The following UGT1A9 variants were observed in gnomAD, a reference collection of about 807,000 sequenced individuals.
UGT1A9 encodes UDP glucuronosyltransferase family 1 member A9.
Under a neutral mutation model 45.0 loss-of-function variants are expected in UGT1A9, and 35 were observed. The ratio of observed to expected loss-of-function variants is 0.78; its 90% CI spans 0.59 to 1.03. The LOEUF (loss-of-function observed/expected upper bound fraction) is 1.03. Ranked by LOEUF, UGT1A9 falls within the 50% of genes least tolerant of loss-of-function variation. The pLI is 0.00. For missense variants in UGT1A9, 687 were observed against 666.6 expected (o/e 1.03, Z -0.34); for synonymous variants, 278 against 250.6 (o/e 1.11, Z -1.03).
chr2:233,766,183 A>T (rs1370975589), intron 1 of UGT1A9, among the ~76,000 whole-genome samples: 1 of 152,070 alleles, frequency 6.6e-6, no homozygotes, highest in African/African-American at 2.4e-5. Flanking sequence ...TATTGAGTGG[A>T]TGTAGCTCTC....
chr2:233,686,534 C>A (rs1418608941), intron 1 of UGT1A9, among the ~76,000 whole-genome samples: 1 of 152,098 alleles, frequency 6.6e-6, no homozygotes, highest in Non-Finnish European at 1.5e-5. Context: ...TAGAACCTAA[C>A]CTTTCCGTGG....
intron 1 of UGT1A9, among the ~76,000 whole-genome samples, chr2:233,724,133 G>A (rs1298685512): frequency 0.042 from 1,427 of 33,736 alleles, 2 homozygotes; most frequent in African/African-American, 0.058. Context: ...CTCACCTCCC[G>A]GACGGGGCGG....
chr2:233,712,674 G>A (rs1441812759), intron 1 of UGT1A9, among the ~76,000 whole-genome samples: 2 of 152,212 alleles, frequency 1.3e-5, no homozygotes, highest in Admixed American at 6.5e-5. Flanking sequence ...GTAGGAGACA[G>A]TGACATGAAA....
intron 1 of UGT1A9, among the ~76,000 whole-genome samples, chr2:233,684,765 T>C (rs2074699581): frequency 6.6e-6 from 1 of 152,152 alleles, no homozygotes; most frequent in Admixed American, 6.5e-5. Context: ...ATTCAGATCA[T>C]AAAGAGTGCC....
intron 1 of UGT1A9, among the ~76,000 whole-genome samples, chr2:233,697,712 T>C (rs1003078793): frequency 2.0e-5 from 3 of 152,126 alleles, no homozygotes; most frequent in East Asian, 1.9e-4. Flanking sequence ...CATTTATTGT[T>C]AAAAACTTCT....
chr2:233,719,723 G>A, intron 1 of UGT1A9: 1 of 1,613,746 alleles, frequency 6.2e-7, no homozygotes, highest in Non-Finnish European at 8.5e-7. Context: ...CAATGTTCCA[G>A]GCAAAACACT....
At chr2:233,759,276 T>C (rs943055975) in intron 1 of UGT1A9, among the ~76,000 whole-genome samples, 1 of 152,134 alleles carries the variant, frequency 6.6e-6, no homozygotes, top group African/African-American at 2.4e-5. Context: ...TGCATTCTGA[T>C]TGGTTGATGA....
rs760907397 is a variant in UGT1A9 at position 233,761,080 on chromosome 2, C to G, written c.856-5954C>G. 1.2e-6 allele frequency: 2 copies of G among 1,614,034 alleles called. No individual in the cohort carries two copies. The highest frequency in any genetic ancestry group is 1.7e-6 in the Non-Finnish European group (2 of 1,180,026). On this transcript the variant is annotated intron_variant, in intron 1 of 4. Coordinates refer to ENST00000354728, the MANE Select transcript of UGT1A9 (RefSeq NM_021027.3). Reference sequence around the variant, plus strand: ...TAGAAGTGACTTTGTGAAGGATTACCCTAGGCCCATCATGCCCAATATGGT... The same window carrying G: ...TAGAAGTGACTTTGTGAAGGATTACGCTAGGCCCATCATGCCCAATATGGT...
chr2:233,757,554 ATATATATG>A lies in UGT1A9; in HGVS notation c.856-9471_856-9464del, dbSNP rs1052235726. On this transcript the variant is annotated intron_variant, in intron 1 of 4. Transcript: ENST00000354728. ...GTAAGGAATATATATATATATATAT[ATATATATG>A]TATATATGATATAGCTATAGTCTAA... Among the ~76,000 whole-genome samples the A allele has an allele frequency of 3.8e-3, 481 of 125,326 alleles. 1 individual carries two copies. Among genetic ancestry groups the A allele is most frequent in the Non-Finnish European group, 4.6e-3 (284 of 61,224 alleles). 82.2% of individuals were successfully genotyped at this position (125,326 alleles called of 152,430 possible).
chr2:233,678,215 T>C (rs2074412106), intron 1 of UGT1A9, among the ~76,000 whole-genome samples: 1 of 152,158 alleles, frequency 6.6e-6, no homozygotes, highest in African/African-American at 2.4e-5. Context: ...GGTACTATGC[T>C]CAGTACTTGG....
intron 1 of UGT1A9, among the ~76,000 whole-genome samples, chr2:233,735,786 T>C (rs1470873966): frequency 1.3e-5 from 2 of 152,218 alleles, no homozygotes; most frequent in Non-Finnish European, 2.9e-5. Context: ...TTTGGCTGCA[T>C]ATGAATTTCT....
At chr2:233,761,216 A>T in intron 1 of UGT1A9, 2 of 1,613,736 alleles carry the variant, frequency 1.2e-6, no homozygotes, top group Non-Finnish European at 1.7e-6. Flanking sequence ...TGGATCGATT[A>T]ACTAGCCCCA....
At position 233,706,863 on chromosome 2, in the gene UGT1A9, A is replaced by G. The variant is rs557746658; in HGVS notation, c.855+34074A>G. 6.4e-4 allele frequency among the ~76,000 whole-genome samples: 97 copies of G among 152,338 alleles called. 1 individual carries two copies. In the South Asian group the frequency reaches 0.019, roughly 30 times the overall value. Reference sequence around the variant, plus strand: ...CTCAGCAGTCTTTACTAAGATTCCTAGACCTGGCACTTCCCAGCTCTGGTT... The same window carrying G: ...CTCAGCAGTCTTTACTAAGATTCCTGGACCTGGCACTTCCCAGCTCTGGTT... On this transcript the variant is annotated intron_variant, in intron 1 of 4. Coordinates refer to ENST00000354728, the MANE Select transcript of UGT1A9 (RefSeq NM_021027.3).
intron 1 of UGT1A9, among the ~76,000 whole-genome samples, chr2:233,724,910 T>C (rs1266541545): frequency 3.6e-5 from 5 of 139,534 alleles, no homozygotes; most frequent in Admixed American, 2.1e-4. Flanking sequence ...CTGGGCACCA[T>C]TGAGCACTGA....
intron 1 of UGT1A9, among the ~76,000 whole-genome samples, chr2:233,727,388 C>T (rs1479838653): frequency 6.6e-6 from 1 of 152,174 alleles, no homozygotes; most frequent in Admixed American, 6.5e-5. Flanking sequence ...GTACCACCGT[C>T]TTCCAAGATA....
chr2:233,772,775 T>C lies in UGT1A9; in HGVS notation c.*216T>C, dbSNP rs1450071408. On this transcript the variant is annotated 3_prime_UTR_variant, in exon 5 of 5. Transcript: ENST00000354728. ...AATATGTATCGTGCCCCCTCTGGTG[T>C]CTTTGATCAGGATGACATGTGCCAT... 2 of 1,313,948 alleles carry C rather than the reference T, an allele frequency of 1.5e-6. No homozygotes were observed. Among genetic ancestry groups the C allele is most frequent in the East Asian group, 2.7e-5 (1 of 37,564 alleles). 81.4% of individuals were successfully genotyped at this position (1,313,948 alleles called of 1,614,324 possible).
At chr2:233,739,315 GAGA>G (rs1462380897) in intron 1 of UGT1A9, among the ~76,000 whole-genome samples, 27 of 152,314 alleles carry the variant, frequency 1.8e-4, no homozygotes, top group African/African-American at 5.5e-4. Context: ...GTGGAGTTGT[GAGA>G]AGAAGGCCAC....
intron 1 of UGT1A9, chr2:233,729,067 A>G (rs2077783738): frequency 6.2e-7 from 1 of 1,611,370 alleles, no homozygotes; most frequent in Admixed American, 1.7e-5. Context: ...AAGATGAAGA[A>G]AGCAAATGTA....
chr2:233,687,764 G>T (rs1169948279), intron 1 of UGT1A9, among the ~76,000 whole-genome samples: 1 of 151,890 alleles, frequency 6.6e-6, no homozygotes, highest in Non-Finnish European at 1.5e-5. Context: ...AAATTAGCTG[G>T]GCCTGGTGGC....
Sources: allele counts gnomAD v4.1 joint callset (sites outside exome capture counted in the v4.1 genomes callset), GRCh38; gene constraint gnomAD v4.1.1; transcripts MANE v1.5; gene names NCBI Gene and HGNC (gene_info 2026-07-23, HGNC 2026-07-21).